The following RORB variants were observed in gnomAD, a reference collection of about 807,000 sequenced individuals.
RORB encodes the protein RAR related orphan receptor B, also known as nuclear receptor ROR-beta.
RORB carries 6 observed loss-of-function variants against 59.1 expected under a neutral mutation model. That is an observed-to-expected ratio of 0.10 (90% CI 0.06 to 0.20). RORB has a LOEUF of 0.20. Among genes scored for constraint, RORB ranks in the 10% least tolerant of loss-of-function variants. The pLI, the probability that RORB is intolerant of heterozygous loss-of-function variation, is 1.00. For missense variants in RORB, 320 were observed against 560.5 expected, an observed-to-expected ratio of 0.57 and a Z score of 4.33; for synonymous variants, 215 against 204.5, an observed-to-expected ratio of 1.05 and a Z score of -0.44.
intron 1 of RORB, among the ~76,000 whole-genome samples, chr9:74,535,153 GT>G (rs1821999911): frequency 6.6e-6 from 1 of 151,946 alleles, no homozygotes; most frequent in East Asian, 1.9e-4. Context: ...ATAGGGGTGT[GT>G]GTGTGTTGTG....
At chr9:74,563,915 A>T (rs1384019516) in intron 1 of RORB, among the ~76,000 whole-genome samples, 2 of 152,190 alleles carry the variant, frequency 1.3e-5, no homozygotes, top group Admixed American at 1.3e-4. Context: ...GGCAGGAAAG[A>T]CCAGTGATGT....
intron 2 of RORB, among the ~76,000 whole-genome samples, chr9:74,634,210 C>G (rs1393926599): frequency 6.6e-6 from 1 of 152,138 alleles, no homozygotes; most frequent in African/African-American, 2.4e-5. Flanking sequence ...CTTACCAATA[C>G]TTCAAGTTCC....
intron 3 of RORB, among the ~76,000 whole-genome samples, chr9:74,641,742 A>G (rs1823810307): frequency 6.6e-6 from 1 of 151,230 alleles, no homozygotes; most frequent in Non-Finnish European, 1.5e-5. Flanking sequence ...CTCTACAAAA[A>G]TTAAAAAAAA....
Position 74,604,523 on chromosome 9 carries a change from T to G in RORB, c.8-25759T>G, listed in dbSNP as rs190546140. On this transcript the variant is annotated intron_variant, in intron 1 of 9. Transcript: ENST00000376896. ...GTTGACAATATATATTGTTCTTTAG[T>G]AAAATGTTCCTACTCATCTGAAAAA... Among the ~76,000 whole-genome samples, 1,216 of 152,342 alleles carry G rather than the reference T, an allele frequency of 8.0e-3. 10 individuals carry two copies. The highest frequency in any genetic ancestry group is 0.013 in the Non-Finnish European group (886 of 68,020).
At chr9:74,521,294 T>C (rs1011251723) in intron 1 of RORB, among the ~76,000 whole-genome samples, 1 of 151,870 alleles carries the variant, frequency 6.6e-6, no homozygotes, top group Non-Finnish European at 1.5e-5. Flanking sequence ...TTGAAAGTTT[T>C]CCATAACAGA....
intron 1 of RORB, among the ~76,000 whole-genome samples, chr9:74,623,953 T>C (rs1405659599): frequency 6.6e-6 from 1 of 152,206 alleles, no homozygotes; most frequent in Admixed American, 6.5e-5. Context: ...ATCAGTATTT[T>C]CTCTTAATGA....
intron 1 of RORB, among the ~76,000 whole-genome samples, chr9:74,576,443 A>G (rs1587366656): frequency 7.6e-6 from 1 of 131,956 alleles, no homozygotes; most frequent in Non-Finnish European, 1.6e-5. Context: ...AGACCACAGC[A>G]TTAGCTAGGC....
intron 1 of RORB, among the ~76,000 whole-genome samples, chr9:74,623,684 G>C (rs1823461400): frequency 6.6e-6 from 1 of 152,164 alleles, no homozygotes; most frequent in Non-Finnish European, 1.5e-5. Flanking sequence ...CTGGTCTTGA[G>C]TGAGTCGTGG....
chr9:74,629,744 C>G (rs565228005), intron 1 of RORB, among the ~76,000 whole-genome samples: 6 of 152,250 alleles, frequency 3.9e-5, no homozygotes, highest in African/African-American at 1.4e-4. Context: ...AGAACATATA[C>G]AGCATGCTCA....
intron 9 of RORB, among the ~76,000 whole-genome samples, chr9:74,680,389 T>C (rs558630268): frequency 2.0e-4 from 31 of 152,258 alleles, no homozygotes; most frequent in African/African-American, 7.0e-4. Flanking sequence ...TGATGAAATA[T>C]GGCTAGCTCT....
chr9:74,539,924 A>C (rs1826378979), intron 1 of RORB, among the ~76,000 whole-genome samples: 1 of 151,828 alleles, frequency 6.6e-6, no homozygotes, highest in South Asian at 2.1e-4. Flanking sequence ...TCCTTGCCTC[A>C]GCCCTAAGTC....
At chr9:74,610,533 AAAATT>A (rs1177247012) in intron 1 of RORB, among the ~76,000 whole-genome samples, 3 of 152,220 alleles carry the variant, frequency 2.0e-5, no homozygotes, top group Non-Finnish European at 4.4e-5. Flanking sequence ...TTCTCTATGC[AAAATT>A]AAATTAAATT....
At chr9:74,588,102 C>T (rs994264014) in intron 1 of RORB, among the ~76,000 whole-genome samples, 1 of 151,980 alleles carries the variant, frequency 6.6e-6, no homozygotes, top group African/African-American at 2.4e-5. Flanking sequence ...ATTTAGAAGA[C>T]AATTTTCAAA....
chr9:74,607,172 A>C (rs1563951067), intron 1 of RORB, among the ~76,000 whole-genome samples: 1 of 152,242 alleles, frequency 6.6e-6, no homozygotes, highest in South Asian at 2.1e-4. Flanking sequence ...AAATAATAGA[A>C]GTCTTCATCA....
intron 1 of RORB, among the ~76,000 whole-genome samples, chr9:74,566,021 T>A (rs762058251): frequency 2.0e-5 from 3 of 152,166 alleles, no homozygotes; most frequent in Non-Finnish European, 4.4e-5. Flanking sequence ...CAGGCACTGA[T>A]GAAGTATTAA....
At chr9:74,594,360 C>T (rs78404206) in intron 1 of RORB, among the ~76,000 whole-genome samples, 28 of 152,174 alleles carry the variant, frequency 1.8e-4, no homozygotes, top group East Asian at 3.9e-4. Context: ...TTCAGGTCCT[C>T]GATGGTTATT....
At chr9:74,604,971 T>C (rs923369380) in intron 1 of RORB, among the ~76,000 whole-genome samples, 1 of 152,206 alleles carries the variant, frequency 6.6e-6, no homozygotes, top group African/African-American at 2.4e-5. Flanking sequence ...TGTATTCACA[T>C]TCAGTACTTT....
chr9:74,676,346 G>A (rs1473439717), intron 9 of RORB, among the ~76,000 whole-genome samples: 1 of 152,184 alleles, frequency 6.6e-6, no homozygotes, highest in Non-Finnish European at 1.5e-5. Flanking sequence ...GCTGTATTGA[G>A]AAGTTTGAAA....
At chr9:74,583,104 C>G (rs150659477) in intron 1 of RORB, among the ~76,000 whole-genome samples, 144 of 152,252 alleles carry the variant, frequency 9.5e-4, no homozygotes, top group African/African-American at 3.1e-3. Context: ...GTTGCTCCCT[C>G]TACCCACCCT....
Sources: allele counts gnomAD v4.1 joint callset (sites outside exome capture counted in the v4.1 genomes callset), GRCh38; gene constraint gnomAD v4.1.1; transcripts MANE v1.5; gene names NCBI Gene and HGNC (gene_info 2026-07-23, HGNC 2026-07-21).